Variants in AHRR observed in about 807,000 individuals in gnomAD.
The protein encoded by AHRR is aryl hydrocarbon receptor repressor.
AHRR carries 28 observed loss-of-function variants against 44.0 expected under a neutral mutation model. The observed-to-expected ratio is 0.64, with a 90% CI of 0.47 to 0.87. AHRR has a LOEUF of 0.87. AHRR is among the 40% of genes least tolerant of loss of function. The probability of loss-of-function intolerance (pLI) is 0.00; values close to 1 mark genes in which losing one functional copy is unlikely to be tolerated. For missense variants in AHRR, 990 were observed against 953.9 expected, an observed-to-expected ratio of 1.04 and a Z score of -0.50; for synonymous variants, 434 against 407.0, an observed-to-expected ratio of 1.07 and a Z score of -0.80.
At chr5:354,039 C>T (rs967082423) in intron 3 of AHRR, 128 bp downstream of exon 3, 2 of 1,000,224 alleles carry the variant, frequency 2.0e-6, no homozygotes, top group Admixed American at 2.8e-5. Flanking sequence ...CTTCTTCCCC[C>T]ACGCTGCCCC....
rs370661332 is a variant in AHRR at position 382,899 on chromosome 5, G to A, written c.351+6183G>A. 4.6e-5 allele frequency among the ~76,000 whole-genome samples: 7 copies of A among 152,206 alleles called. No homozygotes were observed. In the East Asian group the frequency reaches 1.2e-3, roughly 25 times the overall value. On this transcript the variant is annotated intron_variant, in intron 4 of 10. Coordinates refer to ENST00000684583, the MANE Select transcript of AHRR (RefSeq NM_001377236.1). ...TAACCATTCTTACTCTGTAATATAA[G>A]CATTTAATGCTATGAGCTTCTTTAA... is the stretch of plus-strand genomic sequence containing the variant.
At chr5:376,552 A>ATGAGAACCGTGGGGTGAACGAGGG in intron 3 of AHRR, 58 bp from the exon 4 acceptor site, 2 of 1,409,246 alleles carry the variant, frequency 1.4e-6, no homozygotes, top group Non-Finnish European at 1.9e-6. Context: ...ATGTGAATGA[A>ATGAGAACCGTGGGGTGAACGAGGG]GAAGAGTGGC....
intron 3 of AHRR, 115 bp from the exon 4 acceptor site, chr5:376,495 G>A (rs900664449): frequency 4.1e-6 from 4 of 977,872 alleles, no homozygotes; most frequent in African/African-American, 3.4e-5. Context: ...GCCCAGGCCA[G>A]ATGTCAGGTG....
intron 4 of AHRR, 82 bp from the exon 5 acceptor site, chr5:413,262 A>C (rs1327035308): frequency 9.8e-7 from 1 of 1,024,562 alleles, no homozygotes; most frequent in Admixed American, 2.3e-5. Context: ...AAATTGTTGA[A>C]AATTTAAGCA....
chr5:351,156 G>A (rs1243169264), intron 2 of AHRR, among the ~76,000 whole-genome samples: 4 of 152,222 alleles, frequency 2.6e-5, no homozygotes, highest in African/African-American at 7.2e-5. Context: ...TTGCCGATGG[G>A]AAAGTAAAAT....
chr5:345,786 G>A (rs533993710), intron 2 of AHRR, among the ~76,000 whole-genome samples: 1 of 152,198 alleles, frequency 6.6e-6, no homozygotes, highest in Admixed American at 6.5e-5. Flanking sequence ...CAAGCACTGC[G>A]GGGCCCCAGG....
At chr5:402,013 C>G (rs1407371547) in intron 4 of AHRR, among the ~76,000 whole-genome samples, 2 of 152,198 alleles carry the variant, frequency 1.3e-5, no homozygotes, top group African/African-American at 2.4e-5. Flanking sequence ...AATGAAGAGG[C>G]AGCCTATGGA....
chr5:327,113 A>T (rs1483996590), intron 1 of AHRR, among the ~76,000 whole-genome samples: 3 of 152,184 alleles, frequency 2.0e-5, no homozygotes, highest in Non-Finnish European at 2.9e-5. Context: ...ATGGTATTGA[A>T]TTATGGATTT....
rs908649970 is a variant in AHRR, at chr5:411,790, G to T, written c.352-1554G>T. On this transcript the variant is annotated intron_variant, in intron 4 of 10. Transcript: ENST00000684583. The surrounding 1 kb of genome is among the most constrained non-coding windows in gnomAD (Gnocchi z 4.2). ...AGCCACAAACATCATGGGAGTTAAA[G>T]TCTCCGAATGTCTGTGTTTTAAAGA... is the stretch of plus-strand genomic sequence containing the variant. 1.3e-5 allele frequency among the ~76,000 whole-genome samples: 2 copies of T among 152,212 alleles called. No individual in the cohort carries two copies. Among genetic ancestry groups the T allele is most frequent in the African/African-American group, 4.8e-5 (2 of 41,452 alleles).
Position 387,077 on chromosome 5 carries a change from T to C in AHRR, c.351+10361T>C, listed in dbSNP as rs1734197247. Among the ~76,000 whole-genome samples, 1 of 152,222 alleles carries C rather than the reference T, an allele frequency of 6.6e-6. No homozygotes were observed. The highest frequency in any genetic ancestry group is 2.4e-5 in the African/African-American group (1 of 41,448). ...CAAAGCCTCTGCTGCACGGGGTGGG[T>C]CTGCCCCTGACAGGCAGTCCTTGGG... On this transcript the variant is annotated intron_variant, in intron 4 of 10. Transcript: ENST00000684583. The surrounding 1 kb of genome is among the most constrained non-coding windows in gnomAD (Gnocchi z 5.1).
chr5:330,514 C>G (rs1202297594), intron 1 of AHRR, among the ~76,000 whole-genome samples: 1 of 152,088 alleles, frequency 6.6e-6, no homozygotes, highest in African/African-American at 2.4e-5. Flanking sequence ...GCTAGGCTTA[C>G]AGGTGCACAC....
chr5:332,337 G>C (rs1295328472), intron 1 of AHRR, among the ~76,000 whole-genome samples: 1 of 147,596 alleles, frequency 6.8e-6, no homozygotes, highest in African/African-American at 2.5e-5. Flanking sequence ...GCATGATCTC[G>C]GCTCACCACA....
intron 4 of AHRR, among the ~76,000 whole-genome samples, chr5:412,715 C>CTTTTTTT (rs11285209): frequency 3.1e-5 from 3 of 96,952 alleles, no homozygotes; most frequent in African/African-American, 3.8e-5. Context: ...CTCTCTCTCT[C>CTTTTTTT]TTTTTTTTTT....
At chr5:424,991 T>C (rs1157232032) in intron 7 of AHRR, among the ~76,000 whole-genome samples, 1 of 152,234 alleles carries the variant, frequency 6.6e-6, no homozygotes, top group Non-Finnish European at 1.5e-5. Context: ...GCCCCAGTGG[T>C]GGCCCTTGCT....
chr5:368,276 C>T (rs1477766638), intron 3 of AHRR, among the ~76,000 whole-genome samples: 1 of 152,172 alleles, frequency 6.6e-6, no homozygotes, highest in Non-Finnish European at 1.5e-5. Flanking sequence ...CCTGGGCGTG[C>T]ACCGCGCACT....
intron 4 of AHRR, among the ~76,000 whole-genome samples, chr5:408,625 C>T (rs1173505592): frequency 6.6e-6 from 1 of 152,170 alleles, no homozygotes; most frequent in Non-Finnish European, 1.5e-5. Context: ...ATATTCAAAG[C>T]TGATATTGGT....
rs372726854 is a variant in AHRR at position 427,954 on chromosome 5, G to A, written c.856G>A (p.Ala286Thr). 7.4e-6 allele frequency: 12 copies of A among 1,613,978 alleles called. No homozygotes were observed. The highest frequency in any genetic ancestry group is 1.6e-4 in the Middle Eastern group (1 of 6,062). Reference sequence around the variant, plus strand: ...CGCAGCGGAGATGAAAATGAGGAGCGCGCTCCTGAGGGCAAAACCCAGAGC... The same window carrying A: ...CGCAGCGGAGATGAAAATGAGGAGCACGCTCCTGAGGGCAAAACCCAGAGC... ...PSAAEMKMRS[A>T]LLRAKPRADT... The change falls in exon 8 of 11, where the codon GCG becomes ACG. Residue 286 changes from alanine (A) to threonine (T), a missense_variant. Transcript: ENST00000684583.
intron 4 of AHRR, chr5:403,693 T>TTA: frequency 2.4e-6 from 2 of 819,086 alleles, no homozygotes; most frequent in Non-Finnish European, 1.9e-6. Flanking sequence ...TTTTTTTTTT[T>TTA]TTACTTTCTC....
At position 376,656 on chromosome 5, in the gene AHRR, G is replaced by T. The variant is rs199848058; in HGVS notation, c.291G>T (p.Ser97=). ...GGCAGCCTGCGGCCGGCGCCCCCTC[G>T]CCCGGAGACAGCTGTCCTCTTGCAG... ...SSRQPAAGAP[S]PGDSCPLAGS... Residue 97 remains serine, a synonymous_variant, in exon 4 of 11, where the codon TCG becomes TCT. Coordinates refer to ENST00000684583, the MANE Select transcript of AHRR (RefSeq NM_001377236.1). 7.2e-7 allele frequency: 1 copy of T among 1,391,622 alleles called. No individual in the cohort carries two copies. Among genetic ancestry groups the T allele is most frequent in the Admixed American group, 2.3e-5 (1 of 44,240 alleles). 86.2% of individuals were successfully genotyped at this position (1,391,622 alleles called of 1,614,324 possible). A position where few individuals can be genotyped will look rare whatever the true frequency, so the allele number is the denominator to read the frequency against.
Sources: allele counts gnomAD v4.1 joint callset (sites outside exome capture counted in the v4.1 genomes callset), GRCh38; gene constraint gnomAD v4.1.1; non-coding constraint Gnocchi (gnomAD v3.1); transcripts MANE v1.5; gene names NCBI Gene and HGNC (gene_info 2026-07-23, HGNC 2026-07-21).